FGD6: variants seen among roughly 807,000 people sequenced by gnomAD.
The protein encoded by FGD6 is FYVE, RhoGEF and PH domain containing 6.
Under a neutral mutation model 149.4 loss-of-function variants are expected in FGD6, and 90 were observed. The ratio of observed to expected loss-of-function variants is 0.60; its 90% confidence interval spans 0.51 to 0.72. The LOEUF (loss-of-function observed/expected upper bound fraction) is 0.72. FGD6 is among the 30% of genes least tolerant of loss of function. The pLI, the probability that FGD6 is intolerant of heterozygous loss-of-function variation, is 0.00. For missense variants in FGD6, 1,437 were observed against 1,684.8 expected (o/e 0.85, Z 2.57); for synonymous variants, 527 against 584.0 (o/e 0.90, Z 1.41).
intron 7 of FGD6, among the ~76,000 whole-genome samples, chr12:95,136,055 C>A (rs1023566453): frequency 6.6e-6 from 1 of 152,110 alleles, no homozygotes; most frequent in South Asian, 2.1e-4. Flanking sequence ...CAATACCATA[C>A]TATTTTAAAA....
chr12:95,165,397 G>A (rs374193986), intron 3 of FGD6, among the ~76,000 whole-genome samples: 18 of 151,082 alleles, frequency 1.2e-4, no homozygotes, highest in African/African-American at 3.9e-4. Flanking sequence ...GCAATGGTGC[G>A]ATCTCGGCTC....
At chr12:95,132,472 G>A (rs916791416) in intron 8 of FGD6, among the ~76,000 whole-genome samples, 1 of 152,052 alleles carries the variant, frequency 6.6e-6, no homozygotes, top group African/African-American at 2.4e-5. Context: ...AAATAATATG[G>A]CCGGGCACCG....
At position 95,150,358 on chromosome 12, in the gene FGD6, C is replaced by T. The variant is rs183903420; in HGVS notation, c.2685+2453G>A. ...TTTTTTTAAATGCAGACTATTTGTA[C>T]GTTTACATAATATTTTTATTGAGAT... On this transcript the variant is annotated intron_variant, in intron 5 of 20. Coordinates refer to ENST00000343958, the MANE Select transcript of FGD6 (RefSeq NM_018351.4). Among the ~76,000 whole-genome samples the T allele has an allele frequency of 7.2e-5, 11 of 151,926 alleles. No homozygotes were observed. In the East Asian group the frequency reaches 1.2e-3, roughly 16 times the overall value.
chr12:95,114,462 A>G (rs1027493269), intron 8 of FGD6, among the ~76,000 whole-genome samples: 2 of 141,592 alleles, frequency 1.4e-5, no homozygotes, highest in African/African-American at 5.0e-5. Context: ...ACACACACAC[A>G]CACACACACA....
chr12:95,118,689 CAT>C (rs1879098037), intron 8 of FGD6, among the ~76,000 whole-genome samples: 1 of 152,158 alleles, frequency 6.6e-6, no homozygotes, highest in Non-Finnish European at 1.5e-5. Context: ...AATTTGAGGA[CAT>C]GTCTTGCTTT....
chr12:95,147,253 T>A (rs1297389138), intron 5 of FGD6, among the ~76,000 whole-genome samples: 1 of 152,178 alleles, frequency 6.6e-6, no homozygotes, highest in Non-Finnish European at 1.5e-5. Context: ...AGTCCCCACA[T>A]TAACCATTTG....
chr12:95,162,100 C>CAAAA (rs762218917), intron 3 of FGD6, among the ~76,000 whole-genome samples: 6 of 61,808 alleles, frequency 9.7e-5, no homozygotes, highest in African/African-American at 2.3e-4. Context: ...CTGAAAAATA[C>CAAAA]AAAAAAAAAA....
chr12:95,106,799 C>T (rs572788474), intron 13 of FGD6, among the ~76,000 whole-genome samples, 155 bp downstream of exon 13: 1 of 152,182 alleles, frequency 6.6e-6, no homozygotes, highest in Admixed American at 6.5e-5. Flanking sequence ...GAGGCTGAGG[C>T]AGAAGAATCA....
At chr12:95,211,818 G>A (rs774673675) in intron 1 of FGD6, among the ~76,000 whole-genome samples, 4 of 152,136 alleles carry the variant, frequency 2.6e-5, no homozygotes, top group East Asian at 1.9e-4. Context: ...GATTATAGGC[G>A]TGAGCCACCG....
At chr12:95,125,605 T>G (rs1879313901) in intron 8 of FGD6, among the ~76,000 whole-genome samples, 1 of 152,186 alleles carries the variant, frequency 6.6e-6, no homozygotes, top group Non-Finnish European at 1.5e-5. Flanking sequence ...CACCACACTC[T>G]AACCTGGGAA....
At chr12:95,107,264 G>T (rs568635363) in intron 12 of FGD6, among the ~76,000 whole-genome samples, 1 of 152,298 alleles carries the variant, frequency 6.6e-6, no homozygotes, top group African/African-American at 2.4e-5. Flanking sequence ...TTCTGTAACA[G>T]ATTTAATGTT....
chr12:95,101,473 T>C (rs1383547180), intron 14 of FGD6, among the ~76,000 whole-genome samples: 2 of 152,292 alleles, frequency 1.3e-5, no homozygotes, highest in Admixed American at 1.3e-4. Context: ...TTCACTATAA[T>C]TTCTTGAATG....
rs75229952 is a variant in FGD6, at chr12:95,078,167, C to T, written c.*3353G>A. ...TCAGCATGGGAAACATAGCGAGACC[C>T]GGTCTCTTAAAAACTAAAAAGACCT... On this transcript the variant is annotated 3_prime_UTR_variant, in exon 21 of 21. Transcript: ENST00000343958. The T allele has an allele frequency of 0.12, 18,583 of 152,086 alleles. 1,491 individuals are homozygous for T. The highest frequency in any genetic ancestry group is 0.18 in the Non-Finnish European group (12,074 of 67,990). The allele number at this position is 152,086 out of a possible 1,614,324, so 9.4% of individuals were successfully genotyped here. A position where few individuals can be genotyped will look rare whatever the true frequency, so the allele number is the denominator to read the frequency against.
At position 95,108,341 on chromosome 12, in the gene FGD6, T is replaced by A. The variant is rs768202482; in HGVS notation, c.3264+7A>T. On this transcript the variant is annotated splice_region_variant and intron_variant, in intron 11 of 20. Coordinates refer to ENST00000343958, the MANE Select transcript of FGD6 (RefSeq NM_018351.4). ...TAAGTTTGCGAAAAGCAATGTAAAATGCTTACCCGACCAGGCTGCACAATT... is the reference window on the plus strand; with the variant it reads ...TAAGTTTGCGAAAAGCAATGTAAAAAGCTTACCCGACCAGGCTGCACAATT... The A allele has an allele frequency of 6.2e-7, 1 of 1,613,092 alleles. No individual in the cohort carries two copies. The highest frequency in any genetic ancestry group is 8.5e-7 in the Non-Finnish European group (1 of 1,179,652).
At chr12:95,085,620 G>T (rs956023281) in intron 19 of FGD6, 160 bp downstream of exon 19, 48 of 727,162 alleles carry the variant, frequency 6.6e-5, no homozygotes, top group Non-Finnish European at 8.7e-5. Context: ...TACAAAGCAA[G>T]AACACTGTTC....
Position 95,085,818 on chromosome 12 carries a change from T to C in FGD6, c.4069A>G (p.Ile1357Val), listed in dbSNP as rs960263261. ...KKPWKHFWFV[I>V]KNKVLYTYAA... Reference sequence around the variant, plus strand: ...TATGTATATAGTACTTTATTTTTTATGACAAACCAAAAGTGTTTCCAGGGT... The same window carrying C: ...TATGTATATAGTACTTTATTTTTTACGACAAACCAAAAGTGTTTCCAGGGT... Residue 1357 changes from isoleucine to valine, a missense_variant, in exon 19 of 21, where the codon ATA (isoleucine) becomes GTA (valine). By Grantham distance (29) the Ile-to-Val change is conservative. Around this residue, in one of 2 missense-constraint regions of FGD6, gnomAD observed 382 missense variants for 538.7 expected, o/e 0.71. Transcript: ENST00000343958. 3 of 1,613,990 alleles carry C rather than the reference T, an allele frequency of 1.9e-6. No individual in the cohort carries two copies. Among genetic ancestry groups the C allele is most frequent in the Non-Finnish European group, 2.5e-6 (3 of 1,179,944 alleles).
intron 1 of FGD6, among the ~76,000 whole-genome samples, chr12:95,213,316 T>C (rs1401077584): frequency 6.6e-6 from 1 of 152,184 alleles, no homozygotes. Flanking sequence ...TAGTGGCTCA[T>C]GCCTGTAATC....
chr12:95,142,923 C>T (rs1050232655), intron 5 of FGD6, among the ~76,000 whole-genome samples: 3 of 152,116 alleles, frequency 2.0e-5, no homozygotes, highest in Non-Finnish European at 2.9e-5. Context: ...AATATCACCG[C>T]ACCCTATTAC....
intron 2 of FGD6, among the ~76,000 whole-genome samples, chr12:95,205,981 G>T (rs142576257): frequency 5.3e-5 from 8 of 152,254 alleles, no homozygotes; most frequent in African/African-American, 1.9e-4. Flanking sequence ...GTGGCCTCCA[G>T]AAAGAACTCT....
Sources: gnomAD v4.1 joint callset for allele counts (sites outside exome capture counted in the v4.1 genomes callset) on GRCh38, gnomAD v4.1.1 for gene constraint, gnomAD v4.1.1 regional missense constraint, MANE v1.5 for transcripts, NCBI Gene and HGNC (gene_info 2026-07-23, HGNC 2026-07-21) for gene names.